MYO5B: variants seen among roughly 807,000 people sequenced by gnomAD.
The protein encoded by MYO5B is myosin VB.
In MYO5B, 143 loss-of-function variants were observed where a neutral mutation model predicts 229.3. The ratio of observed to expected loss-of-function variants is 0.62; its 90% confidence interval spans 0.54 to 0.72. The LOEUF is 0.72. MYO5B is among the 30% of genes least tolerant of loss of function. The pLI, the probability that MYO5B is intolerant of heterozygous loss-of-function variation, is 0.00. For synonymous variants in MYO5B, 918 were observed against 885.2 expected, an observed-to-expected ratio of 1.04 and a Z score of -0.66; for missense variants, 2,321 against 2,331.0, an observed-to-expected ratio of 1.00 and a Z score of 0.09.
intron 1 of MYO5B, among the ~76,000 whole-genome samples, chr18:50,089,575 CAA>C (rs570849955): frequency 1.4e-4 from 17 of 123,904 alleles, no homozygotes; most frequent in African/African-American, 1.1e-4. Context: ...TCATCTCTAC[CAA>C]AAAAAAAAAA....
chr18:50,006,512 C>T lies in MYO5B; in HGVS notation c.456-5101G>A, dbSNP rs568537637. On this transcript the variant is annotated intron_variant, in intron 4 of 39. Coordinates refer to ENST00000285039, the MANE Select transcript of MYO5B (RefSeq NM_001080467.3). ...GAGTACAGGAGCCTGAGGTAAGGAA[C>T]TTAGCCATTCTGCAGCTTCCAGGCA... Among the ~76,000 whole-genome samples the T allele has an allele frequency of 1.1e-4, 16 of 152,310 alleles. No individual in the cohort carries two copies. The South Asian group carries it at 3.3e-3, about 32-fold the overall frequency.
rs527365653 is a variant in MYO5B, at chr18:49,925,752, C to T, written c.2090+3760G>A. The stretch of plus-strand genomic sequence containing the variant: ...TTTGAAAACAAGTAGCTCCGCAGCT[C>T]CCTAAGGTCCTCTTCTAGTTCTTAA... On this transcript the variant is annotated intron_variant, in intron 17 of 39. Transcript: ENST00000285039. Among the ~76,000 whole-genome samples the T allele has an allele frequency of 1.2e-4, 19 of 152,332 alleles. No individual in the cohort carries two copies. In the South Asian group the frequency reaches 3.5e-3, roughly 28 times the overall value.
At chr18:50,037,627 C>T (rs148737306) in intron 3 of MYO5B, among the ~76,000 whole-genome samples, 32 of 152,270 alleles carry the variant, frequency 2.1e-4, no homozygotes, top group Non-Finnish European at 3.5e-4. Flanking sequence ...ATGCCAGGCA[C>T]GGTGGCTCAT....
chr18:49,907,631 C>T (rs928246981), intron 18 of MYO5B, among the ~76,000 whole-genome samples: 18 of 152,246 alleles, frequency 1.2e-4, no homozygotes, highest in African/African-American at 4.3e-4. Flanking sequence ...CACAACATTG[C>T]ATTTCATGTT....
intron 1 of MYO5B, among the ~76,000 whole-genome samples, chr18:50,159,893 T>G (rs1238790660): frequency 1.3e-5 from 2 of 152,210 alleles, no homozygotes; most frequent in Non-Finnish European, 2.9e-5. Context: ...GAGCTTCAGA[T>G]GGCAGGAACC....
chr18:50,173,292 G>A (rs76818366), intron 1 of MYO5B, among the ~76,000 whole-genome samples: 2 of 151,026 alleles, frequency 1.3e-5, no homozygotes, highest in African/African-American at 4.9e-5. Flanking sequence ...AAAAAAAAAA[G>A]AGGAGGCCAG....
In MYO5B at chr18:49,842,050, G is replaced by A. The variant is rs115644525; in HGVS notation, c.4612-596C>T. 8.0e-3 allele frequency among the ~76,000 whole-genome samples: 1,195 copies of A among 149,358 alleles called. 39 individuals carry two copies. In the South Asian group the frequency reaches 0.12, roughly 15 times the overall value. On this transcript the variant is annotated intron_variant, in intron 34 of 39. Transcript: ENST00000285039. ...ACGCAGCTCATTCTGTCAAGTAAGC[G>A]TTATCATTATTTAAATGACAGAGTG...
At chr18:50,119,493 A>T (rs932625386) in intron 1 of MYO5B, among the ~76,000 whole-genome samples, 2 of 152,170 alleles carry the variant, frequency 1.3e-5, no homozygotes, top group Non-Finnish European at 2.9e-5. Flanking sequence ...TTTTCTGTTC[A>T]ATGATCTATC....
chr18:49,882,293 A>G (rs1344937730), intron 22 of MYO5B, among the ~76,000 whole-genome samples: 2 of 152,072 alleles, frequency 1.3e-5, no homozygotes, highest in South Asian at 2.1e-4. Context: ...TCACAGCCAC[A>G]CAGATCCTGG....
intron 5 of MYO5B, among the ~76,000 whole-genome samples, chr18:49,993,526 A>G (rs2025954684): frequency 6.6e-6 from 1 of 152,066 alleles, no homozygotes; most frequent in Non-Finnish European, 1.5e-5. Flanking sequence ...GAGTACAGGG[A>G]GGCGCTGAGT....
chr18:49,863,993 T>G (rs1401197323), intron 28 of MYO5B, 148 bp downstream of exon 28: 4 of 1,205,622 alleles, frequency 3.3e-6, no homozygotes, highest in Non-Finnish European at 4.6e-6. Context: ...GCAAGGCTTT[T>G]GCTCTGCCTT....
intron 10 of MYO5B, among the ~76,000 whole-genome samples, chr18:49,967,184 T>G (rs1241047683): frequency 6.6e-6 from 1 of 152,238 alleles, no homozygotes; most frequent in African/African-American, 2.4e-5. Flanking sequence ...TCACACTGTT[T>G]CCATTTCTAT....
At chr18:49,964,657 A>G (rs891710984) in intron 10 of MYO5B, among the ~76,000 whole-genome samples, 4 of 152,226 alleles carry the variant, frequency 2.6e-5, no homozygotes, top group African/African-American at 7.2e-5. Context: ...ACTTATCATT[A>G]CTACAGCTCA....
At chr18:50,085,591 T>C (rs1170875993) in intron 1 of MYO5B, among the ~76,000 whole-genome samples, 1 of 152,210 alleles carries the variant, frequency 6.6e-6, no homozygotes, top group Admixed American at 6.5e-5. Context: ...TTATAAATCA[T>C]GCTGCTATAA....
At chr18:49,904,876 G>A (rs747247021) in intron 19 of MYO5B, 48 bp from the exon 20 acceptor site, 79 of 1,600,100 alleles carry the variant, frequency 4.9e-5, no homozygotes, top group Non-Finnish European at 6.2e-5. Flanking sequence ...AGTATTGACC[G>A]CCCTGATGCA....
chr18:49,938,109 G>A (rs1208050627), intron 14 of MYO5B, among the ~76,000 whole-genome samples: 1 of 152,184 alleles, frequency 6.6e-6, no homozygotes, highest in Non-Finnish European at 1.5e-5. Context: ...GGTGTGGTAG[G>A]AGGTGGCTAT....
chr18:49,897,822 G>T (rs923883073), intron 21 of MYO5B, among the ~76,000 whole-genome samples: 2 of 152,070 alleles, frequency 1.3e-5, no homozygotes, highest in African/African-American at 2.4e-5. Context: ...TTATAAAGTC[G>T]ATAGGAGTGG....
At position 49,837,650 on chromosome 18, in the gene MYO5B, A is replaced by G. The variant is rs1325391814; in HGVS notation, c.5005T>C (p.Cys1669Arg). Residue 1669 changes from cysteine (C) to arginine (R), a missense_variant, in exon 37 of 40, where the codon TGT (cysteine) becomes CGT (arginine). Transcript: ENST00000285039. The stretch of plus-strand genomic sequence containing the variant: ...ATCTCAGGGTCCAAGCCCTGGTCAC[A>G]CATGACTGTATGAAAGGCATTCATC... ...RQMNAFHTVM[C>R]DQGLDPEIIL... 2 of 1,614,068 alleles carry G rather than the reference A, an allele frequency of 1.2e-6. No individual in the cohort carries two copies. The highest frequency in any genetic ancestry group is 4.5e-5 in the East Asian group (2 of 44,892).
chr18:49,962,498 G>A, intron 11 of MYO5B, 92 bp from the exon 12 acceptor site: 2 of 1,548,378 alleles, frequency 1.3e-6, no homozygotes, highest in South Asian at 1.1e-5. Flanking sequence ...GGTTCTGGAG[G>A]ACAGCAGAGA....
Sources: allele counts gnomAD v4.1 joint callset (sites outside exome capture counted in the v4.1 genomes callset), GRCh38; gene constraint gnomAD v4.1.1; transcripts MANE v1.5; gene names NCBI Gene and HGNC (gene_info 2026-07-23, HGNC 2026-07-21).